Variants in HYCC1 observed in about 807,000 individuals in gnomAD.
HYCC1 encodes the protein hyccin PI4KA lipid kinase complex subunit 1.
chr7:22,913,856 G>A, the HYCC1 span, among the ~76,000 whole-genome samples: 1 of 152,192 alleles, frequency 6.6e-6, no homozygotes, highest in East Asian at 1.9e-4. Flanking sequence ...CAGGACAGGA[G>A]GACTCCTTTG....
chr7:22,913,007 C>G, the HYCC1 span, among the ~76,000 whole-genome samples: 1 of 151,932 alleles, frequency 6.6e-6, no homozygotes, highest in African/African-American at 2.4e-5. Context: ...GCTTGTAATC[C>G]CAGCTACTTG....
the HYCC1 span, chr7:23,014,024 C>T: frequency 2.1e-6 from 1 of 471,170 alleles, no homozygotes; most frequent in Non-Finnish European, 4.4e-6. Flanking sequence ...AGCAGCACCA[C>T]CTGCTCCCCT....
At chr7:22,961,156 T>G in the HYCC1 span, 1 of 787,374 alleles carries the variant, frequency 1.3e-6, no homozygotes, top group African/African-American at 2.6e-5. Context: ...ATTAATAAAC[T>G]ATGAATGGCT....
the HYCC1 span, chr7:22,978,562 T>A: frequency 3.5e-6 from 3 of 865,978 alleles, no homozygotes; most frequent in Non-Finnish European, 5.5e-6. Flanking sequence ...TTTAAGTTCT[T>A]AAAATAGCTA....
At chr7:23,004,584 A>G in the HYCC1 span, among the ~76,000 whole-genome samples, 1 of 152,066 alleles carries the variant, frequency 6.6e-6, no homozygotes, top group Non-Finnish European at 1.5e-5. Context: ...TTTTCTTTAC[A>G]TGCTTTTTCT....
the HYCC1 span, chr7:22,942,239 A>G: frequency 6.6e-6 from 1 of 152,164 alleles, no homozygotes. Flanking sequence ...AATGAGTAAT[A>G]TTTGCTGAGC....
chr7:22,934,890 A>G, the HYCC1 span: 2 of 152,216 alleles, frequency 1.3e-5, no homozygotes, highest in South Asian at 4.2e-4. Context: ...ATAATTCCAG[A>G]CTCCTAGAAG....
the HYCC1 span, among the ~76,000 whole-genome samples, chr7:22,901,771 A>C: frequency 6.6e-6 from 1 of 152,186 alleles, no homozygotes; most frequent in African/African-American, 2.4e-5. Context: ...GAACCTCAAA[A>C]TACATGAAGA....
At chr7:22,963,599 A>G in the HYCC1 span, among the ~76,000 whole-genome samples, 3 of 152,190 alleles carry the variant, frequency 2.0e-5, no homozygotes, top group Non-Finnish European at 4.4e-5. Flanking sequence ...AGGGTCAGAA[A>G]ATTTTTTCTT....
the HYCC1 span, among the ~76,000 whole-genome samples, chr7:23,001,820 T>G: frequency 2.0e-5 from 3 of 152,002 alleles, no homozygotes; most frequent in Non-Finnish European, 2.9e-5. Context: ...ATGCCAAAAT[T>G]AGACCAAAAT....
chr7:23,012,198 T>G, the HYCC1 span, among the ~76,000 whole-genome samples: 1 of 152,182 alleles, frequency 6.6e-6, no homozygotes, highest in Admixed American at 6.5e-5. Context: ...TTAAAATTTC[T>G]TAAGATCCAT....
At chr7:23,011,918 T>A in the HYCC1 span, among the ~76,000 whole-genome samples, 1 of 152,166 alleles carries the variant, frequency 6.6e-6, no homozygotes, top group African/African-American at 2.4e-5. Flanking sequence ...AAGTTAACTA[T>A]CTCCTACTCT....
the HYCC1 span, among the ~76,000 whole-genome samples, chr7:22,914,818 C>T: frequency 6.6e-6 from 1 of 152,134 alleles, no homozygotes; most frequent in Non-Finnish European, 1.5e-5. Context: ...GGTCCCAATT[C>T]TTCCTCAGCC....
the HYCC1 span, among the ~76,000 whole-genome samples, chr7:22,956,546 T>TA: frequency 6.6e-6 from 1 of 151,038 alleles, no homozygotes; most frequent in Non-Finnish European, 1.5e-5. Context: ...CTCTCCAAAA[T>TA]AATACCTCAG....
At chr7:22,908,256 C>T in the HYCC1 span, among the ~76,000 whole-genome samples, 1 of 152,180 alleles carries the variant, frequency 6.6e-6, no homozygotes, top group Non-Finnish European at 1.5e-5. Flanking sequence ...TGGTGCTCTT[C>T]TATTTTAGGA....
the HYCC1 span, among the ~76,000 whole-genome samples, chr7:22,917,366 C>T: frequency 1.4e-4 from 21 of 152,196 alleles, no homozygotes; most frequent in Admixed American, 5.2e-4. Context: ...TCCTTTCCAT[C>T]GTGGAAATCT....
chr7:22,961,320 T>C, the HYCC1 span: 7 of 1,530,050 alleles, frequency 4.6e-6, no homozygotes, highest in African/African-American at 1.4e-5. Context: ...TTCTCCATTA[T>C]AACTATAAAA....
At chr7:22,909,326 T>C in the HYCC1 span, among the ~76,000 whole-genome samples, 6 of 152,268 alleles carry the variant, frequency 3.9e-5, no homozygotes, top group South Asian at 1.2e-3. Flanking sequence ...CTGCTCCCCC[T>C]TTGCCTTCCA....
the HYCC1 span, among the ~76,000 whole-genome samples, chr7:22,958,076 G>A: frequency 6.6e-6 from 1 of 151,830 alleles, no homozygotes; most frequent in Non-Finnish European, 1.5e-5. Context: ...ATATATCTAA[G>A]AAGTACAGCA....
Sources: gnomAD v4.1 joint callset for allele counts (sites outside exome capture counted in the v4.1 genomes callset) on GRCh38, gnomAD v4.1.1 for gene constraint, MANE v1.5 for transcripts, NCBI Gene and HGNC (gene_info 2026-07-23, HGNC 2026-07-21) for gene names.